Variants in STEAP1B observed in about 807,000 individuals in gnomAD.
STEAP1B encodes the protein STEAP family protein MGC87042.
In STEAP1B, 13 loss-of-function variants were observed where a neutral mutation model predicts 27.9. The observed-to-expected ratio is 0.47, with a 90% CI of 0.30 to 0.74. STEAP1B has a LOEUF of 0.74. Ranked by LOEUF, STEAP1B falls within the 30% of genes least tolerant of loss-of-function variation. The probability of loss-of-function intolerance (pLI) is 0.06; values close to 1 mark genes in which losing one functional copy is unlikely to be tolerated. For synonymous variants in STEAP1B, 86 were observed against 107.1 expected (o/e 0.80, Z 1.22); for missense variants, 250 against 298.7 (o/e 0.84, Z 1.20).
At chr7:22,452,300 G>T (rs932150198) in intron 4 of STEAP1B, among the ~76,000 whole-genome samples, 1 of 152,030 alleles carries the variant, frequency 6.6e-6, no homozygotes, top group African/African-American at 2.4e-5. Flanking sequence ...TGAAATGAAC[G>T]CTCCTGAGAC....
intron 4 of STEAP1B, among the ~76,000 whole-genome samples, chr7:22,466,213 T>G (rs988454878): frequency 1.6e-4 from 24 of 152,156 alleles, no homozygotes; most frequent in African/African-American, 5.3e-4. Context: ...TGTACAACAG[T>G]TTTTTTTCTA....
chr7:22,419,879 T>C (rs780151338), intron 4 of STEAP1B, 43 bp from the exon 5 acceptor site: 1 of 1,534,746 alleles, frequency 6.5e-7, no homozygotes, highest in South Asian at 1.2e-5. Flanking sequence ...ATAGAAGTAG[T>C]GACTATCACT....
chr7:22,460,336 C>CA (rs33991000), intron 4 of STEAP1B, among the ~76,000 whole-genome samples: 10,952 of 117,590 alleles, frequency 0.093, 891 homozygotes, highest in African/African-American at 0.22. Flanking sequence ...TCAAAACAAA[C>CA]AAAAAAAAAA....
Position 22,493,528 on chromosome 7 carries a change from T to C in STEAP1B, c.393A>G (p.Leu131=). Residue 131 remains leucine, a synonymous_variant, in exon 3 of 5, where the codon CTA becomes CTG. Coordinates refer to ENST00000678116, the MANE Select transcript of STEAP1B (RefSeq NM_001382447.1). Reference sequence around the variant, plus strand: ...GGACAATTGCTGCTATCACACCTGGTAGGTAAACCAATGCCAAGAGAGTGA... The same window carrying C: ...GGACAATTGCTGCTATCACACCTGGCAGGTAAACCAATGCCAAGAGAGTGA... ...VSITLLALVY[L]PGVIAAIVQV... The C allele has an allele frequency of 6.2e-7, 1 of 1,613,904 alleles. No homozygotes were observed. Among genetic ancestry groups the C allele is most frequent in the Non-Finnish European group, 8.5e-7 (1 of 1,179,852 alleles).
chr7:22,460,346 A>AAC (rs1426535788), intron 4 of STEAP1B, among the ~76,000 whole-genome samples: 8 of 151,542 alleles, frequency 5.3e-5, no homozygotes, highest in African/African-American at 1.9e-4. Context: ...CAAAAAAAAA[A>AAC]AAAAAGGAGA....
chr7:22,492,658 T>A lies in STEAP1B; in HGVS notation c.669A>T (p.Gly223=). ...VWRMEIYVSL[G]IVGLAILALL... ...GAGCCAGTATTGCCAGTCCCACAATTCCCAGAGACACATAAATCTCCATTC... is the reference window on the plus strand; with the variant it reads ...GAGCCAGTATTGCCAGTCCCACAATACCCAGAGACACATAAATCTCCATTC... The change falls in exon 4 of 5, where the codon GGA becomes GGT. Residue 223 remains glycine, a synonymous_variant. Coordinates refer to ENST00000678116, the MANE Select transcript of STEAP1B (RefSeq NM_001382447.1). 6.2e-7 allele frequency: 1 copy of A among 1,613,620 alleles called. No homozygotes were observed. The highest frequency in any genetic ancestry group is 8.5e-7 in the Non-Finnish European group (1 of 1,179,734).
chr7:22,453,152 T>A (rs554258772), intron 4 of STEAP1B, among the ~76,000 whole-genome samples: 95 of 152,316 alleles, frequency 6.2e-4, no homozygotes, highest in African/African-American at 2.1e-3. Context: ...CGACAGGATT[T>A]TATTTCAAAA....
chr7:22,477,578 C>T (rs529112203), intron 4 of STEAP1B, among the ~76,000 whole-genome samples: 104 of 152,316 alleles, frequency 6.8e-4, no homozygotes, highest in Middle Eastern at 3.4e-3. Context: ...AAGTACTCTG[C>T]AAATGGAAGC....
chr7:22,467,101 T>C (rs965063448), intron 4 of STEAP1B, among the ~76,000 whole-genome samples: 45 of 152,350 alleles, frequency 3.0e-4, no homozygotes, highest in African/African-American at 1.1e-3. Context: ...GATTTCCACC[T>C]GCCAGCATGC....
At chr7:22,426,068 C>G (rs1265762074) in intron 4 of STEAP1B, among the ~76,000 whole-genome samples, 1 of 152,200 alleles carries the variant, frequency 6.6e-6, no homozygotes, top group African/African-American at 2.4e-5. Flanking sequence ...AGTGGGGCAG[C>G]CACCAGCCCA....
At chr7:22,458,919 T>C (rs3094976) in intron 4 of STEAP1B, among the ~76,000 whole-genome samples, 151,639 of 152,016 alleles carry the variant, frequency 1, 75,633 homozygotes, top group Middle Eastern at 1. Context: ...CAACCACCAA[T>C]GCCTCTCCTT....
At chr7:22,424,706 G>A (rs147992462) in intron 4 of STEAP1B, among the ~76,000 whole-genome samples, 2 of 152,080 alleles carry the variant, frequency 1.3e-5, no homozygotes, top group South Asian at 2.1e-4. Context: ...CAATTGAGGA[G>A]TATTTATAAT....
chr7:22,438,499 A>C, intron 4 of STEAP1B: 1 of 1,549,958 alleles, frequency 6.5e-7, no homozygotes, highest in Middle Eastern at 1.7e-4. Context: ...TTAAATCTGA[A>C]AGATGATCAG....
chr7:22,428,921 T>A (rs1785143725), intron 4 of STEAP1B, among the ~76,000 whole-genome samples: 1 of 152,198 alleles, frequency 6.6e-6, no homozygotes, highest in Non-Finnish European at 1.5e-5. Flanking sequence ...CACAAAGAAA[T>A]CTTAAATGGT....
intron 4 of STEAP1B, among the ~76,000 whole-genome samples, chr7:22,436,414 C>T (rs185224251): frequency 7.1e-6 from 1 of 141,100 alleles, no homozygotes; most frequent in African/African-American, 2.4e-5. Context: ...ATCCCTTAGC[C>T]ATTTTTTTAA....
intron 4 of STEAP1B, among the ~76,000 whole-genome samples, chr7:22,492,023 C>T (rs985542419): frequency 5.9e-5 from 9 of 151,914 alleles, no homozygotes; most frequent in African/African-American, 1.9e-4. Flanking sequence ...ACCATTTGCC[C>T]TCAAAAGCCA....
At chr7:22,430,736 G>T (rs951899339) in intron 4 of STEAP1B, among the ~76,000 whole-genome samples, 2 of 152,326 alleles carry the variant, frequency 1.3e-5, no homozygotes, top group Admixed American at 1.3e-4. Flanking sequence ...GCTGCTTAAA[G>T]AATGTGATTA....
intron 4 of STEAP1B, among the ~76,000 whole-genome samples, chr7:22,439,597 A>C (rs1785301540): frequency 2.0e-5 from 3 of 152,190 alleles, no homozygotes; most frequent in Admixed American, 2.0e-4. Flanking sequence ...TAGTAATAGG[A>C]ATACAAAATT....
intron 4 of STEAP1B, among the ~76,000 whole-genome samples, chr7:22,474,985 T>C (rs1421368279): frequency 2.0e-5 from 3 of 152,252 alleles, no homozygotes; most frequent in African/African-American, 4.8e-5. Context: ...TCATATGTTC[T>C]TTGAATGAGC....
Sources: gnomAD v4.1 joint callset for allele counts (sites outside exome capture counted in the v4.1 genomes callset) on GRCh38, gnomAD v4.1.1 for gene constraint, MANE v1.5 for transcripts, NCBI Gene and HGNC (gene_info 2026-07-23, HGNC 2026-07-21) for gene names.